ATG9A: variants seen among roughly 807,000 people sequenced by gnomAD.
ATG9A encodes autophagy-related protein 9A.
In ATG9A, 21 loss-of-function variants were observed where a neutral mutation model predicts 87.1. That is an observed-to-expected ratio of 0.24 (90% confidence interval 0.17 to 0.35). ATG9A has a LOEUF of 0.35. Among genes scored for constraint, ATG9A ranks in the 10% least tolerant of loss-of-function variants. The pLI is 1.00. For missense variants in ATG9A, 836 were observed against 1,107.3 expected (o/e 0.76, Z 3.48); for synonymous variants, 422 against 441.3 (o/e 0.96, Z 0.55).
At chr2:219,221,992 C>G (rs929154287) in intron 13 of ATG9A, 58 bp downstream of exon 13, 105 of 1,489,850 alleles carry the variant, frequency 7.0e-5, no homozygotes, top group Non-Finnish European at 8.6e-5. Context: ...GGTTTGGAAC[C>G]CCGGTCTTGC....
intron 4 of ATG9A, 40 bp from the exon 5 acceptor site, chr2:219,226,973 G>T: frequency 6.5e-7 from 1 of 1,543,762 alleles, no homozygotes; most frequent in Non-Finnish European, 9.0e-7. Context: ...AAGAAAGCAG[G>T]TAAGAGCACA....
intron 13 of ATG9A, 37 bp from the exon 14 acceptor site, chr2:219,221,339 G>T: frequency 1.3e-6 from 2 of 1,498,326 alleles, no homozygotes; most frequent in Admixed American, 4.7e-5. Context: ...GGGGACAGAC[G>T]GATGTCCATC....
At position 219,219,691 on chromosome 2, in the gene ATG9A, A is replaced by C. The variant is rs1437641399; in HGVS notation, c.*756T>G. The C allele has an allele frequency of 6.6e-6, 1 of 152,440 alleles. No individual in the cohort carries two copies. The highest frequency in any genetic ancestry group is 1.5e-5 in the Non-Finnish European group (1 of 68,072). The allele number at this position is 152,440 out of a possible 1,614,324, so 9.4% of individuals were successfully genotyped here. A position where few individuals can be genotyped will look rare whatever the true frequency, so the allele number is the denominator to read the frequency against. ...TGTGCAGGTGATGGGGGGTACGATA[A>C]GCAGCAATGAGGGCCCAGGAAGACC... On this transcript the variant is annotated 3_prime_UTR_variant, in exon 16 of 16. Coordinates refer to ENST00000361242, the MANE Select transcript of ATG9A (RefSeq NM_001077198.3).
intron 4 of ATG9A, among the ~76,000 whole-genome samples, chr2:219,227,380 C>A (rs992496102): frequency 1.2e-4 from 19 of 152,014 alleles, no homozygotes; most frequent in Non-Finnish European, 2.6e-4. Flanking sequence ...AGCTGGGCAT[C>A]GTGGCAGGTG....
At chr2:219,220,704 G>C in intron 15 of ATG9A, 43 bp downstream of exon 15, 1 of 1,602,862 alleles carries the variant, frequency 6.2e-7, no homozygotes, top group East Asian at 2.2e-5. Context: ...CACCCTGGAA[G>C]TTACTATTTC....
intron 13 of ATG9A, among the ~76,000 whole-genome samples, chr2:219,221,801 C>T (rs1290377234): frequency 3.9e-5 from 6 of 152,056 alleles, no homozygotes; most frequent in South Asian, 4.1e-4. Flanking sequence ...CTCAGGGAAA[C>T]GGCAGCTGCA....
In ATG9A at chr2:219,220,362, G is replaced by T. The variant is rs1950725491; in HGVS notation, c.*85C>A. The stretch of plus-strand genomic sequence containing the variant: ...CACACGTGGGGCCAGGGAACACTCA[G>T]AGGAGCCGTCCCATGGCAGGCAGAC... On this transcript the variant is annotated 3_prime_UTR_variant, in exon 16 of 16. Transcript: ENST00000361242. The T allele has an allele frequency of 4.6e-6, 7 of 1,535,036 alleles. No homozygotes were observed. Among genetic ancestry groups the T allele is most frequent in the Non-Finnish European group, 5.4e-6 (6 of 1,112,886 alleles).
rs527273490 is a variant in ATG9A, at chr2:219,220,736, G to A, written c.2514+11C>T. 2.0e-5 allele frequency: 32 copies of A among 1,609,870 alleles called. 1 individual carries two copies. Among genetic ancestry groups the A allele is most frequent in the South Asian group, 1.9e-4 (17 of 90,936 alleles). ...TTTCTGGCAGTTTTTCCTAGGCCCC[G>A]GGGCCCTTACCTTGTGCACCTGAGG... On this transcript the variant is annotated intron_variant, in intron 15 of 15. Transcript: ENST00000361242.
chr2:219,220,390 G>C lies in ATG9A; in HGVS notation c.*57C>G. ...GAGCCGTCCCATGGCAGGCAGACGG[G>C]ATGGCAGGGCAGCGGTGGCCTCCAT... On this transcript the variant is annotated 3_prime_UTR_variant, in exon 16 of 16. Coordinates refer to ENST00000361242, the MANE Select transcript of ATG9A (RefSeq NM_001077198.3). The C allele has an allele frequency of 6.2e-7, 1 of 1,602,730 alleles. No homozygotes were observed. The highest frequency in any genetic ancestry group is 8.5e-7 in the Non-Finnish European group (1 of 1,170,792).
At position 219,224,082 on chromosome 2, in the gene ATG9A, C is replaced by A; in HGVS notation, c.1265+24G>T. On this transcript the variant is annotated intron_variant, in intron 8 of 15. Transcript: ENST00000361242. This position sits in a 1 kb window ranked among gnomAD's most constrained non-coding sequence, Gnocchi z 7.7. ...TTTCCCAGGAATGCTAGCCGGCTTGCTCCCGCCTGTGGCCCTGGCCCACCT... is the reference window on the plus strand; with the variant it reads ...TTTCCCAGGAATGCTAGCCGGCTTGATCCCGCCTGTGGCCCTGGCCCACCT... 1 of 1,609,144 alleles carries A rather than the reference C, an allele frequency of 6.2e-7. No homozygotes were observed.
In ATG9A at chr2:219,222,681, G is replaced by A; in HGVS notation, c.1812C>T (p.Leu604=). 1 of 1,614,230 alleles carries A rather than the reference G, an allele frequency of 6.2e-7. No homozygotes were observed. The highest frequency in any genetic ancestry group is 8.5e-7 in the Non-Finnish European group (1 of 1,180,024). ...ATTGTAAGGACTGGATAGACGTAAA[G>A]AGGGCATTTTCAGGGAGCAGACCCC... ...AQGGLLPENA[L]FTSIQSLQSE... is the part of the protein sequence containing the mutation. The change falls in exon 11 of 16, where the codon CTC becomes CTT. Residue 604 remains leucine (L), a synonymous_variant. Coordinates refer to ENST00000361242, the MANE Select transcript of ATG9A (RefSeq NM_001077198.3). The surrounding 1 kb of genome is among the most constrained non-coding windows in gnomAD (Gnocchi z 4.3).
Position 219,226,881 on chromosome 2 carries a change from A to G in ATG9A, c.200T>C (p.Ile67Thr). The G allele has an allele frequency of 6.2e-7, 1 of 1,612,826 alleles. No homozygotes were observed. The highest frequency in any genetic ancestry group is 8.5e-7 in the Non-Finnish European group (1 of 1,178,734). The change falls in exon 5 of 16, where the codon ATC (isoleucine) becomes ACC (threonine). Residue 67 changes from isoleucine to threonine, a missense_variant. Ile to Thr is a moderately conservative substitution (Grantham distance 89, BLOSUM62 -1). Coordinates refer to ENST00000361242, the MANE Select transcript of ATG9A (RefSeq NM_001077198.3). ...NGFTCMLIGEIFELMQFLFVV... is the reference protein window; with the variant it reads ...NGFTCMLIGETFELMQFLFVV... ...TTCTTATACTTACATGAGCTCAAAG[A>G]TCTCCCCGATGAGCATACATGTGAA...
Position 219,224,971 on chromosome 2 carries a change from T to A in ATG9A, c.516+100A>T. The A allele has an allele frequency of 1.3e-6, 2 of 1,577,168 alleles. No homozygotes were observed. The highest frequency in any genetic ancestry group is 4.5e-5 in the East Asian group (2 of 44,552). The stretch of plus-strand genomic sequence containing the variant: ...TGTGAGCTTAAGAGACAGTTCCTGA[T>A]TTGTCAATGACAGATAAGGATAACT... On this transcript the variant is annotated intron_variant, in intron 7 of 15. Transcript: ENST00000361242. The surrounding 1 kb of genome is among the most constrained non-coding windows in gnomAD (Gnocchi z 7.7).
At position 219,223,407 on chromosome 2, in the gene ATG9A, G is replaced by A. The variant is rs1202931530; in HGVS notation, c.1599+178C>T. Among the ~76,000 whole-genome samples the A allele has an allele frequency of 6.6e-6, 1 of 152,116 alleles. No individual in the cohort carries two copies. Among genetic ancestry groups the A allele is most frequent in the Non-Finnish European group, 1.5e-5 (1 of 68,030 alleles). Reference sequence around the variant, plus strand: ...CTGGCCGTGTTGTGCCTTTCTTAAGGGAGCTTGGCCAAGGGTGCGAATTAG... The same window carrying A: ...CTGGCCGTGTTGTGCCTTTCTTAAGAGAGCTTGGCCAAGGGTGCGAATTAG... On this transcript the variant is annotated intron_variant, in intron 10 of 15. Transcript: ENST00000361242. The surrounding 1 kb of genome is among the most constrained non-coding windows in gnomAD (Gnocchi z 4.7).
At chr2:219,220,604 AAAG>A (rs1164881727) in intron 15 of ATG9A, 140 bp downstream of exon 15, 5 of 1,483,720 alleles carry the variant, frequency 3.4e-6, no homozygotes, top group South Asian at 1.2e-5. Context: ...GCAGTTGAGA[AAAG>A]AAGGGGTAGT....
intron 13 of ATG9A, among the ~76,000 whole-genome samples, chr2:219,221,705 G>A (rs1418216235): frequency 2.0e-5 from 3 of 152,146 alleles, no homozygotes. Flanking sequence ...ATGTCACATG[G>A]TGCTAAATGC....
rs1360814814 is a variant in ATG9A at position 219,229,122 on chromosome 2, T to G, written c.-82+413A>C. On this transcript the variant is annotated intron_variant, in intron 1 of 15. Transcript: ENST00000361242. The surrounding 1 kb of genome is among the most constrained non-coding windows in gnomAD (Gnocchi z 4.2). ...GGGAAGTCACCACTCACAGGGTCAG[T>G]GTGGACCAGGGCCCGTGGAGCCCCG... 6.6e-6 allele frequency: 1 copy of G among 152,082 alleles called. No homozygotes were observed. The highest frequency in any genetic ancestry group is 1.5e-5 in the Non-Finnish European group (1 of 68,042). The allele number at this position is 152,082 out of a possible 1,614,324, so 9.4% of individuals were successfully genotyped here. A position where few individuals can be genotyped will look rare whatever the true frequency, so the allele number is the denominator to read the frequency against.
chr2:219,227,798 A>C lies in ATG9A; in HGVS notation c.119T>G (p.Ile40Ser). Residue 40 changes from isoleucine to serine, a missense_variant, in exon 4 of 16, where the codon ATT becomes AGT. Ile to Ser is a moderately radical substitution (Grantham distance 142). Coordinates refer to ENST00000361242, the MANE Select transcript of ATG9A (RefSeq NM_001077198.3). ...AGAGAAGAAGAGGTCAAGGTTTTCA[A>C]TATGGTGCCAAGGTGCTGTGGGATA... ...AEGSKSPWHHIENLDLFFSRV... is the reference protein window; with the variant it reads ...AEGSKSPWHHSENLDLFFSRV... The C allele has an allele frequency of 6.2e-7, 1 of 1,614,180 alleles. No homozygotes were observed. Among genetic ancestry groups the C allele is most frequent in the Non-Finnish European group, 8.5e-7 (1 of 1,180,014 alleles).
At position 219,227,967 on chromosome 2, in the gene ATG9A, G is replaced by C. The variant is rs905548950; in HGVS notation, c.58C>G (p.Pro20Ala). 6.2e-7 allele frequency: 1 copy of C among 1,614,154 alleles called. No individual in the cohort carries two copies. Among genetic ancestry groups the C allele is most frequent in the Non-Finnish European group, 8.5e-7 (1 of 1,180,022 alleles). Residue 20 changes from proline to alanine, a missense_variant, in exon 3 of 16, where the codon CCA becomes GCA. Pro to Ala is a conservative substitution (Grantham distance 27). This residue lies in a region of ATG9A where 512 missense variants were observed against 759.6 expected (regional missense o/e 0.67). Transcript: ENST00000361242. ...RLEASYSDSP[P>A]GEEDLLVHVA... ...TGCACCAACAGGTCCTCCTCCCCTG[G>C]GGGTGAATCACTATAGGAGGCCTCT...
Sources: allele counts gnomAD v4.1 joint callset (sites outside exome capture counted in the v4.1 genomes callset), GRCh38; gene constraint gnomAD v4.1.1; regional missense constraint gnomAD v4.1.1; non-coding constraint Gnocchi (gnomAD v3.1); transcripts MANE v1.5; gene names NCBI Gene and HGNC (gene_info 2026-07-23, HGNC 2026-07-21).